The following CLMP variants were observed in gnomAD, a reference collection of about 807,000 sequenced individuals.
CLMP encodes the protein CXADR like cell adhesion molecule.
In CLMP, 27 loss-of-function variants were observed where a neutral mutation model predicts 45.2. The observed-to-expected ratio is 0.60, with a 90% CI of 0.44 to 0.82. CLMP has a LOEUF of 0.82. Ranked by LOEUF, CLMP falls within the 40% of genes least tolerant of loss-of-function variation. The pLI is 0.00. For synonymous variants in CLMP, 167 were observed against 171.4 expected (o/e 0.97, Z 0.20); for missense variants, 403 against 448.4 (o/e 0.90, Z 0.91).
At chr11:123,111,226 G>A (rs770862115) in intron 1 of CLMP, among the ~76,000 whole-genome samples, 1 of 152,038 alleles carries the variant, frequency 6.6e-6, no homozygotes, top group Non-Finnish European at 1.5e-5. Flanking sequence ...TGCAACTTCT[G>A]CCTCCTGGGT....
Position 123,070,788 on chromosome 11 carries a change from A to G in CLMP, c.*2686T>C, listed in dbSNP as rs1366912409. The G allele has an allele frequency of 6.6e-6, 1 of 152,222 alleles. No homozygotes were observed. The highest frequency in any genetic ancestry group is 1.5e-5 in the Non-Finnish European group (1 of 68,036). 9.4% of individuals were successfully genotyped at this position (152,222 alleles called of 1,614,324 possible). ...GGGGTTTTATATTTTACAATGAGAC[A>G]GTGTTAGTGTAAGAAGCATTCCAAA... is the stretch of plus-strand genomic sequence containing the variant. On this transcript the variant is annotated 3_prime_UTR_variant, in exon 7 of 7. Coordinates refer to ENST00000448775, the MANE Select transcript of CLMP (RefSeq NM_024769.5).
At position 123,151,823 on chromosome 11, in the gene CLMP, T is replaced by A. The variant is rs142775200; in HGVS notation, c.28+43090A>T. Among the ~76,000 whole-genome samples, 28 of 152,322 alleles carry A rather than the reference T, an allele frequency of 1.8e-4. 2 individuals carry two copies. In the East Asian group the frequency reaches 5.4e-3, roughly 29 times the overall value. The stretch of plus-strand genomic sequence containing the variant: ...ATGTTCATTTTTAGCATGTTTATTA[T>A]CCAAGGCAACATCAAGTTGTTGGTA... On this transcript the variant is annotated intron_variant, in intron 1 of 6. Coordinates refer to ENST00000448775, the MANE Select transcript of CLMP (RefSeq NM_024769.5).
chr11:123,090,126 C>T (rs967907136), intron 2 of CLMP, among the ~76,000 whole-genome samples: 1 of 151,210 alleles, frequency 6.6e-6, no homozygotes, highest in African/African-American at 2.4e-5. Flanking sequence ...ATTTAGGATC[C>T]ACTAACTGGT....
At chr11:123,106,424 T>TGTGTGC (rs1207028812) in intron 1 of CLMP, among the ~76,000 whole-genome samples, 55 of 90,852 alleles carry the variant, frequency 6.1e-4, no homozygotes, top group East Asian at 4.2e-3. Flanking sequence ...TGTGTGTGTG[T>TGTGTGC]GCGCGCGCGC....
intron 1 of CLMP, among the ~76,000 whole-genome samples, chr11:123,114,948 T>C (rs549647352): frequency 6.6e-6 from 1 of 152,308 alleles, no homozygotes; most frequent in African/African-American, 2.4e-5. Context: ...GAACAGTATA[T>C]TGGACTGCTA....
intron 1 of CLMP, among the ~76,000 whole-genome samples, chr11:123,106,414 TGTGTGTGTGTGCGCGCGCGC>T (rs1232270578): frequency 3.1e-5 from 4 of 129,016 alleles, no homozygotes; most frequent in African/African-American, 1.3e-4. Flanking sequence ...TGTGTGTGTG[TGTGTGTGTGTGCGCGCGCGC>T]GCGCGCACGT....
chr11:123,110,269 C>A (rs564434572), intron 1 of CLMP, among the ~76,000 whole-genome samples: 207 of 152,170 alleles, frequency 1.4e-3, no homozygotes, highest in African/African-American at 4.9e-3. Flanking sequence ...GCCTGCCCAA[C>A]ATGGTGAAAC....
intron 1 of CLMP, among the ~76,000 whole-genome samples, chr11:123,183,757 A>T (rs1861798695): frequency 1.3e-5 from 2 of 152,180 alleles, no homozygotes; most frequent in Admixed American, 6.5e-5. Flanking sequence ...TCTTTCAGGG[A>T]AAGCTCACTG....
At chr11:123,150,775 G>C (rs192782456) in intron 1 of CLMP, among the ~76,000 whole-genome samples, 1 of 152,284 alleles carries the variant, frequency 6.6e-6, no homozygotes, top group South Asian at 2.1e-4. Flanking sequence ...GGAGTGCAGG[G>C]GCACGATCTC....
chr11:123,109,059 CAAAAAAAAAA>C (rs776811883), intron 1 of CLMP, among the ~76,000 whole-genome samples: 4 of 64,280 alleles, frequency 6.2e-5, no homozygotes, highest in South Asian at 1.1e-3. Flanking sequence ...AACTCTGTCT[CAAAAAAAAAA>C]AAAAAAAAAA....
intron 1 of CLMP, among the ~76,000 whole-genome samples, chr11:123,156,643 A>G (rs1378401274): frequency 6.6e-6 from 1 of 152,180 alleles, no homozygotes; most frequent in East Asian, 1.9e-4. Context: ...GGAAGAAGGA[A>G]GCGTCATTTG....
chr11:123,134,455 T>C (rs1335469775), intron 1 of CLMP, among the ~76,000 whole-genome samples: 1 of 151,906 alleles, frequency 6.6e-6, no homozygotes, highest in Non-Finnish European at 1.5e-5. Context: ...AATTTGTCCC[T>C]GGTACTTAGG....
At chr11:123,189,211 G>T (rs1203596674) in intron 1 of CLMP, among the ~76,000 whole-genome samples, 4 of 152,174 alleles carry the variant, frequency 2.6e-5, no homozygotes, top group African/African-American at 2.4e-5. Context: ...CCACTTTGGG[G>T]TTTAAAGATG....
At chr11:123,160,499 A>G (rs1402356475) in intron 1 of CLMP, among the ~76,000 whole-genome samples, 1 of 152,286 alleles carries the variant, frequency 6.6e-6, no homozygotes, top group East Asian at 1.9e-4. Context: ...AGAGTGCAGC[A>G]GATATGCAAC....
chr11:123,152,309 G>T (rs1389059873), intron 1 of CLMP, among the ~76,000 whole-genome samples: 1 of 151,960 alleles, frequency 6.6e-6, no homozygotes, highest in East Asian at 1.9e-4. Flanking sequence ...GGATCACGAG[G>T]TCAAGAGACC....
At chr11:123,109,614 A>G (rs527723485) in intron 1 of CLMP, among the ~76,000 whole-genome samples, 1 of 152,356 alleles carries the variant, frequency 6.6e-6, no homozygotes, top group East Asian at 1.9e-4. Flanking sequence ...CCTGAGGTAC[A>G]TAGTTATCCT....
intron 1 of CLMP, among the ~76,000 whole-genome samples, chr11:123,137,807 T>G (rs927379484): frequency 2.0e-5 from 3 of 152,150 alleles, no homozygotes; most frequent in Non-Finnish European, 4.4e-5. Context: ...GCTCGGTGAT[T>G]GAAACCACAT....
intron 2 of CLMP, among the ~76,000 whole-genome samples, chr11:123,089,733 C>G (rs1343764580): frequency 1.4e-5 from 2 of 143,532 alleles, no homozygotes; most frequent in Non-Finnish European, 3.0e-5. Flanking sequence ...GCCAAGATCG[C>G]ACCACTGCAC....
intron 1 of CLMP, among the ~76,000 whole-genome samples, chr11:123,126,796 C>G (rs1419702840): frequency 6.6e-6 from 1 of 151,788 alleles, no homozygotes; most frequent in Non-Finnish European, 1.5e-5. Flanking sequence ...ACTTGGGAGA[C>G]TCAGGCAGGA....
Sources: gnomAD v4.1 joint callset for allele counts (sites outside exome capture counted in the v4.1 genomes callset) on GRCh38, gnomAD v4.1.1 for gene constraint, MANE v1.5 for transcripts, NCBI Gene and HGNC (gene_info 2026-07-23, HGNC 2026-07-21) for gene names.